TEKT1: variants seen among roughly 807,000 people sequenced by gnomAD.
TEKT1 encodes the protein tektin-1.
TEKT1 carries 32 observed loss-of-function variants against 34.8 expected under a neutral mutation model. The observed-to-expected ratio is 0.92, with a 90% confidence interval of 0.69 to 1.23. TEKT1 has a LOEUF of 1.23. Among genes scored for constraint, TEKT1 ranks in the 50% most tolerant of loss-of-function variants. The pLI, the probability that TEKT1 is intolerant of heterozygous loss-of-function variation, is 0.00. For synonymous variants in TEKT1, 207 were observed against 199.8 expected (o/e 1.04, Z -0.30); for missense variants, 492 against 518.5 (o/e 0.95, Z 0.50).
intron 6 of TEKT1, among the ~76,000 whole-genome samples, chr17:6,812,626 C>A (rs1473204525): frequency 6.6e-6 from 1 of 152,204 alleles, no homozygotes; most frequent in Non-Finnish European, 1.5e-5. Context: ...ACAATGGAGG[C>A]CCAGAGTGGG....
At chr17:6,801,296 A>G (rs1013831684) in intron 6 of TEKT1, among the ~76,000 whole-genome samples, 5 of 152,068 alleles carry the variant, frequency 3.3e-5, no homozygotes, top group Non-Finnish European at 5.9e-5. Context: ...AAAGCTGCCT[A>G]TTTCCTCACC....
chr17:6,829,515 C>CTT (rs34702459), intron 2 of TEKT1, among the ~76,000 whole-genome samples: 9 of 137,636 alleles, frequency 6.5e-5, no homozygotes, highest in Middle Eastern at 3.3e-3. Context: ...CTTTTTCTTT[C>CTT]TTTTTTTTTT....
intron 7 of TEKT1, 84 bp from the exon 8 acceptor site, chr17:6,800,318 T>C (rs1022618737): frequency 3.3e-6 from 4 of 1,215,208 alleles, no homozygotes; most frequent in East Asian, 2.4e-5. Flanking sequence ...CAGTGTTCAG[T>C]GCAGGAGCCA....
At chr17:6,816,765 T>G (rs1384972487) in intron 3 of TEKT1, among the ~76,000 whole-genome samples, 7 of 152,144 alleles carry the variant, frequency 4.6e-5, no homozygotes, top group Non-Finnish European at 8.8e-5. Context: ...GATTGCTGGG[T>G]CAAATGGTAA....
chr17:6,809,133 T>G (rs568526549), intron 6 of TEKT1, among the ~76,000 whole-genome samples: 1 of 152,364 alleles, frequency 6.6e-6, no homozygotes, highest in South Asian at 2.1e-4. Flanking sequence ...TTGTTATTAA[T>G]ACAATTGATG....
At chr17:6,821,260 G>A (rs904836334) in intron 2 of TEKT1, among the ~76,000 whole-genome samples, 1 of 152,172 alleles carries the variant, frequency 6.6e-6, no homozygotes, top group South Asian at 2.1e-4. Flanking sequence ...GGAAGGACTT[G>A]GTGGGAGATA....
intron 2 of TEKT1, among the ~76,000 whole-genome samples, chr17:6,827,351 T>C (rs1016067942): frequency 6.9e-6 from 1 of 144,772 alleles, no homozygotes. Context: ...AACCTCCGCC[T>C]CCCGGGTTCA....
chr17:6,824,304 T>TCCAGATTC (rs1300345038), intron 2 of TEKT1, among the ~76,000 whole-genome samples: 1 of 54,956 alleles, frequency 1.8e-5, no homozygotes, highest in Non-Finnish European at 3.3e-5. Context: ...TTATGTGATT[T>TCCAGATTC]CTGGCGTTAC....
intron 7 of TEKT1, 85 bp from the exon 8 acceptor site, chr17:6,800,319 G>T: frequency 8.3e-7 from 1 of 1,205,810 alleles, no homozygotes; most frequent in Non-Finnish European, 1.2e-6. Flanking sequence ...AGTGTTCAGT[G>T]CAGGAGCCAA....
intron 2 of TEKT1, among the ~76,000 whole-genome samples, chr17:6,829,813 T>A (rs1462186944): frequency 6.6e-6 from 1 of 152,286 alleles, no homozygotes; most frequent in African/African-American, 2.4e-5. Flanking sequence ...GCTGAACCCA[T>A]GGATACAAAG....
Position 6,811,730 on chromosome 17 carries a change from G to C in TEKT1, c.852+1101C>G, listed in dbSNP as rs897041511. 1.3e-5 allele frequency among the ~76,000 whole-genome samples: 2 copies of C among 152,126 alleles called. No individual in the cohort carries two copies. ...AGAAGGCCTGGGCTCCACTCCCACC[G>C]TGCCGCCTTGGGGCCCTTCCCCTCT... On this transcript the variant is annotated intron_variant, in intron 6 of 7. Transcript: ENST00000338694. This position sits in a 1 kb window ranked among gnomAD's most constrained non-coding sequence, Gnocchi z 4.4.
chr17:6,804,978 A>G (rs2151582345), intron 6 of TEKT1, among the ~76,000 whole-genome samples: 1 of 152,326 alleles, frequency 6.6e-6, no homozygotes, highest in East Asian at 1.9e-4. Flanking sequence ...CTGGCCTCAT[A>G]AAATGAGTTA....
At chr17:6,807,240 T>C (rs1976857680) in intron 6 of TEKT1, among the ~76,000 whole-genome samples, 1 of 152,252 alleles carries the variant, frequency 6.6e-6, no homozygotes, top group Non-Finnish European at 1.5e-5. Flanking sequence ...ACTGATACCC[T>C]TTCTTCCAGT....
At chr17:6,813,946 T>TTC (rs71157224) in intron 5 of TEKT1, among the ~76,000 whole-genome samples, 47,979 of 145,742 alleles carry the variant, frequency 0.33, 7,712 homozygotes, top group East Asian at 0.42. Context: ...CTGTCATCCG[T>TTC]TCTCTCTCTC....
At chr17:6,825,936 C>G (rs1904384477) in intron 2 of TEKT1, among the ~76,000 whole-genome samples, 1 of 152,188 alleles carries the variant, frequency 6.6e-6, no homozygotes, top group South Asian at 2.1e-4. Flanking sequence ...CTTTGGTAAA[C>G]ATATATTCCC....
At chr17:6,801,230 T>C (rs1976767676) in intron 6 of TEKT1, among the ~76,000 whole-genome samples, 1 of 152,186 alleles carries the variant, frequency 6.6e-6, no homozygotes, top group Non-Finnish European at 1.5e-5. Context: ...GGGATCTCAC[T>C]ACTGCTCAAA....
chr17:6,819,502 CT>C, intron 2 of TEKT1, 144 bp from the exon 3 acceptor site: 5 of 770,960 alleles, frequency 6.5e-6, no homozygotes, highest in Non-Finnish European at 9.6e-6. Flanking sequence ...ATCTTTTCAT[CT>C]TTTTAAATGT....
At chr17:6,820,335 CCAT>C (rs1276769460) in intron 2 of TEKT1, among the ~76,000 whole-genome samples, 2 of 151,254 alleles carry the variant, frequency 1.3e-5, no homozygotes, top group African/African-American at 4.9e-5. Flanking sequence ...TTATTAGTCA[CCAT>C]GAGTAAAAAA....
At chr17:6,803,101 C>T (rs1290525662) in intron 6 of TEKT1, among the ~76,000 whole-genome samples, 1 of 152,004 alleles carries the variant, frequency 6.6e-6, no homozygotes, top group Non-Finnish European at 1.5e-5. Flanking sequence ...CCTATTTCTC[C>T]ACATCCTCTC....
Sources: gnomAD v4.1 joint callset for allele counts (sites outside exome capture counted in the v4.1 genomes callset) on GRCh38, gnomAD v4.1.1 for gene constraint, Gnocchi (gnomAD v3.1) non-coding constraint, MANE v1.5 for transcripts, NCBI Gene and HGNC (gene_info 2026-07-23, HGNC 2026-07-21) for gene names.